KCTD13: variants seen among roughly 807,000 people sequenced by gnomAD.
KCTD13 encodes BTB/POZ domain-containing adapter for CUL3-mediated RhoA degradation protein 1.
KCTD13 carries 15 observed loss-of-function variants against 32.3 expected under a neutral mutation model. That is an observed-to-expected ratio of 0.46 (90% CI 0.31 to 0.71). KCTD13 has a LOEUF of 0.71. Ranked by LOEUF, KCTD13 falls within the 30% of genes least tolerant of loss-of-function variation. The probability of loss-of-function intolerance (pLI) is 0.05; values close to 1 mark genes in which losing one functional copy is unlikely to be tolerated. For missense variants in KCTD13, 337 were observed against 452.6 expected (o/e 0.74, Z 2.32); for synonymous variants, 189 against 200.1 (o/e 0.94, Z 0.47).
intron 5 of KCTD13, among the ~76,000 whole-genome samples, chr16:29,910,302 G>A (rs931542675): frequency 6.6e-6 from 1 of 151,960 alleles, no homozygotes; most frequent in African/African-American, 2.4e-5. Flanking sequence ...GGAGGCTGAG[G>A]CAGAAGAATC....
rs202082471 is a variant in KCTD13 at position 29,911,805 on chromosome 16, C to T, written c.557+10G>A. 216 of 1,612,322 alleles carry T rather than the reference C, an allele frequency of 1.3e-4. 1 individual carries two copies. The highest frequency in any genetic ancestry group is 1.5e-4 in the Non-Finnish European group (180 of 1,179,614). On this transcript the variant is annotated intron_variant, in intron 4 of 5. Transcript: ENST00000568000. ...GGGTCCCGCCCAGTGCCCCGCACCC[C>T]GGCGGTCACCTGGTGTAGGAGTACT...
At chr16:29,921,489 C>G (rs1241603521) in intron 2 of KCTD13, 2 of 152,036 alleles carry the variant, frequency 1.3e-5, no homozygotes, top group Admixed American at 6.6e-5. Context: ...CTGAGCTCTG[C>G]TGCTTCCCAG....
rs1567437592 is a variant in KCTD13, at chr16:29,906,504, C to T, written c.*368G>A. On this transcript the variant is annotated 3_prime_UTR_variant, in exon 6 of 6. Transcript: ENST00000568000. ...AGGGGGCGGACTACCCTGCAGGACG[C>T]GGGAGGCTGCTCAGACTGTGGTGAT... 3 of 474,476 alleles carry T rather than the reference C, an allele frequency of 6.3e-6. No individual in the cohort carries two copies. Among genetic ancestry groups the T allele is most frequent in the South Asian group, 3.1e-5 (2 of 64,688 alleles). 29.4% of individuals were successfully genotyped at this position (474,476 alleles called of 1,614,324 possible). A position where few individuals can be genotyped will look rare whatever the true frequency, so the allele number is the denominator to read the frequency against.
At chr16:29,923,964 C>T (rs2068955926) in intron 1 of KCTD13, among the ~76,000 whole-genome samples, 1 of 152,090 alleles carries the variant, frequency 6.6e-6, no homozygotes, top group Non-Finnish European at 1.5e-5. Context: ...CACCTGAGGT[C>T]AAGAGTTCGA....
intron 5 of KCTD13, among the ~76,000 whole-genome samples, chr16:29,910,712 A>G (rs929898723): frequency 2.0e-5 from 3 of 151,774 alleles, no homozygotes; most frequent in Admixed American, 6.6e-5. Context: ...AAATGCATAC[A>G]CCCCCATTTC....
intron 1 of KCTD13, 97 bp downstream of exon 1, chr16:29,925,693 C>T (rs1179607400): frequency 1.6e-6 from 2 of 1,218,562 alleles, no homozygotes; most frequent in Non-Finnish European, 2.3e-6. Flanking sequence ...CAGTAGCGGG[C>T]AGAGAGAAGG....
chr16:29,907,707 G>A (rs1213682640), intron 5 of KCTD13, among the ~76,000 whole-genome samples: 1 of 152,134 alleles, frequency 6.6e-6, no homozygotes, highest in Non-Finnish European at 1.5e-5. Context: ...AGGATCACCT[G>A]AGCATGGGAG....
intron 2 of KCTD13, among the ~76,000 whole-genome samples, chr16:29,915,581 G>A (rs976209628): frequency 6.6e-6 from 1 of 151,540 alleles, no homozygotes; most frequent in Non-Finnish European, 1.5e-5. Context: ...GAACCCAGGA[G>A]GAGGAGGTTG....
intron 1 of KCTD13, among the ~76,000 whole-genome samples, chr16:29,923,833 A>G (rs1363606378): frequency 6.6e-6 from 1 of 151,554 alleles, no homozygotes; most frequent in Non-Finnish European, 1.5e-5. Context: ...CAGCCTGGGT[A>G]ATAAGAGGGA....
chr16:29,910,487 G>A (rs1033308205), intron 5 of KCTD13, among the ~76,000 whole-genome samples: 3 of 152,002 alleles, frequency 2.0e-5, no homozygotes, highest in African/African-American at 7.3e-5. Flanking sequence ...GATTACAGGT[G>A]CATGCCATCA....
At chr16:29,915,936 C>T (rs1292629511) in intron 2 of KCTD13, among the ~76,000 whole-genome samples, 1 of 152,184 alleles carries the variant, frequency 6.6e-6, no homozygotes, top group African/African-American at 2.4e-5. Context: ...TCAAACCCAA[C>T]AATTTCAGGC....
At chr16:29,912,342 C>T in intron 2 of KCTD13, 1 of 499,308 alleles carries the variant, frequency 2.0e-6, no homozygotes, top group Non-Finnish European at 3.5e-6. Flanking sequence ...TCCGTCATGC[C>T]ATTCAGATCG....
intron 2 of KCTD13, chr16:29,920,431 G>A (rs1452556219): frequency 6.6e-6 from 1 of 152,192 alleles, no homozygotes; most frequent in Non-Finnish European, 1.5e-5. Context: ...AGGCTTAGAG[G>A]TTAATTTGTT....
chr16:29,925,816 C>T lies in KCTD13; in HGVS notation c.218G>A (p.Arg73His), dbSNP rs1344959891. Residue 73 changes from arginine to histidine, a missense_variant, in exon 1 of 6, where the codon CGC becomes CAC. Transcript: ENST00000568000. Reference sequence around the variant, plus strand: ...TCCGGCATCGGTCAGCACCTCCACGCGGCCGCTGAACATGGCTTTGAGCAT... The same window carrying T: ...TCCGGCATCGGTCAGCACCTCCACGTGGCCGCTGAACATGGCTTTGAGCAT... ...DTMLKAMFSG[R>H]VEVLTDAGGW... is the part of the protein sequence containing the mutation. 2 of 1,613,772 alleles carry T rather than the reference C, an allele frequency of 1.2e-6. No individual in the cohort carries two copies. The highest frequency in any genetic ancestry group is 2.7e-5 in the African/African-American group (2 of 74,904).
In KCTD13 at chr16:29,924,700, T is replaced by G. The variant is rs188952192; in HGVS notation, c.244+1090A>C. Among the ~76,000 whole-genome samples, 577 of 152,094 alleles carry G rather than the reference T, an allele frequency of 3.8e-3. 5 individuals are homozygous for G. The highest frequency in any genetic ancestry group is 0.013 in the African/African-American group (535 of 41,476). On this transcript the variant is annotated intron_variant, in intron 1 of 5. Coordinates refer to ENST00000568000, the MANE Select transcript of KCTD13 (RefSeq NM_178863.5). ...CTAACTGATATTTTACAAATACTTATTGGACAAATGAATTCTTCCCTTTTT... is the reference window on the plus strand; with the variant it reads ...CTAACTGATATTTTACAAATACTTAGTGGACAAATGAATTCTTCCCTTTTT...
chr16:29,923,422 T>C, intron 1 of KCTD13, 63 bp from the exon 2 acceptor site: 1 of 1,454,468 alleles, frequency 6.9e-7, no homozygotes, highest in Non-Finnish European at 9.3e-7. Flanking sequence ...AGCTACTAAA[T>C]TAAAAAAAAA....
intron 2 of KCTD13, 47 bp downstream of exon 2, chr16:29,923,143 G>C (rs1437232637): frequency 6.2e-7 from 1 of 1,601,246 alleles, no homozygotes. Flanking sequence ...TACCTGCTTG[G>C]GCAGCTCTCC....
At position 29,911,820 on chromosome 16, in the gene KCTD13, G is replaced by A. The variant is rs991500445; in HGVS notation, c.552C>T (p.Tyr184=). The change falls in exon 4 of 6, where the codon TAC becomes TAT. Residue 184 remains tyrosine, a synonymous_variant. Coordinates refer to ENST00000568000, the MANE Select transcript of KCTD13 (RefSeq NM_178863.5). ...LHNRSNNKYS[Y]TSTSDDNLLK... is the part of the protein sequence containing the mutation. ...CCCCGCACCCCGGCGGTCACCTGGT[G>A]TAGGAGTACTTGTTGTTACTGCGGT... 6 of 1,612,678 alleles carry A rather than the reference G, an allele frequency of 3.7e-6. No individual in the cohort carries two copies. In the African/African-American group the frequency reaches 6.7e-5, roughly 18 times the overall value.
intron 2 of KCTD13, chr16:29,914,692 CA>C (rs1190581261): frequency 8.5e-5 from 13 of 152,410 alleles, no homozygotes; most frequent in Admixed American, 3.9e-4. Context: ...CTTGGCCTCC[CA>C]AAGTGTTGGG....
Sources: gnomAD v4.1 joint callset for allele counts (sites outside exome capture counted in the v4.1 genomes callset) on GRCh38, gnomAD v4.1.1 for gene constraint, MANE v1.5 for transcripts, NCBI Gene and HGNC (gene_info 2026-07-23, HGNC 2026-07-21) for gene names.